The following SLC20A1 variants were observed in gnomAD, a reference collection of about 807,000 sequenced individuals.
SLC20A1 encodes the protein solute carrier family 20 member 1, also known as sodium-dependent phosphate transporter 1.
In SLC20A1, 28 loss-of-function variants were observed where a neutral mutation model predicts 62.7. That is an observed-to-expected ratio of 0.45 (90% CI 0.33 to 0.61). SLC20A1 has a LOEUF of 0.61. Among genes scored for constraint, SLC20A1 ranks in the 20% least tolerant of loss-of-function variants. The pLI, the probability that SLC20A1 is intolerant of heterozygous loss-of-function variation, is 0.02. For synonymous variants in SLC20A1, 305 were observed against 302.9 expected (o/e 1.01, Z -0.07); for missense variants, 673 against 838.6 (o/e 0.80, Z 2.44).
At chr2:112,647,277 A>C (rs115019493) in intron 2 of SLC20A1, 47 bp from the exon 3 acceptor site, 3 of 1,600,958 alleles carry the variant, frequency 1.9e-6, no homozygotes, top group Non-Finnish European at 2.6e-6. Flanking sequence ...TGCCACTTAC[A>C]TAATGGAATT....
chr2:112,646,261 G>T (rs978749057), intron 1 of SLC20A1, 132 bp downstream of exon 1: 2 of 152,018 alleles, frequency 1.3e-5, no homozygotes, highest in South Asian at 2.1e-4. Flanking sequence ...CCTCCACTCC[G>T]CCCGTCTGCC....
intron 4 of SLC20A1, chr2:112,652,374 A>C (rs1686466565): frequency 2.9e-6 from 1 of 345,618 alleles, no homozygotes; most frequent in Non-Finnish European, 5.3e-6. Context: ...AGTATAGCCT[A>C]TCCTCAGGTG....
At chr2:112,653,845 T>C (rs752831798) in intron 5 of SLC20A1, among the ~76,000 whole-genome samples, 1 of 152,150 alleles carries the variant, frequency 6.6e-6, no homozygotes, top group Non-Finnish European at 1.5e-5. Flanking sequence ...CAGGCTGGAG[T>C]GCAATGGCAT....
At position 112,657,216 on chromosome 2, in the gene SLC20A1, T is replaced by G; in HGVS notation, c.753T>G (p.Cys251Trp). Residue 251 changes from cysteine (C) to tryptophan (W), a missense_variant, in exon 6 of 11, where the codon TGT becomes TGG. Physicochemically the swap from Cys to Trp is radical, Grantham distance 215. Coordinates refer to ENST00000272542, the MANE Select transcript of SLC20A1 (RefSeq NM_005415.5). ...CCCTTATCGTCTGGTTCTTTGTATG[T>G]CCCAGGATGAAGAGAAAAATTGAAC... is the stretch of plus-strand genomic sequence containing the variant. ...FCALIVWFFV[C>W]PRMKRKIERE... 1 of 1,613,808 alleles carries G rather than the reference T, an allele frequency of 6.2e-7. No individual in the cohort carries two copies. Among genetic ancestry groups the G allele is most frequent in the Non-Finnish European group, 8.5e-7 (1 of 1,179,882 alleles).
intron 5 of SLC20A1, 195 bp downstream of exon 5, chr2:112,652,993 T>C: frequency 7.1e-7 from 1 of 1,407,904 alleles, no homozygotes; most frequent in Admixed American, 2.0e-5. Context: ...AGAGACCTGC[T>C]CAGATTCTAA....
intron 4 of SLC20A1, among the ~76,000 whole-genome samples, chr2:112,650,981 A>C (rs1686418622): frequency 6.6e-6 from 1 of 152,186 alleles, no homozygotes; most frequent in South Asian, 2.1e-4. Flanking sequence ...TTAGTTTCCT[A>C]ATCTTGTTGA....
chr2:112,652,729 G>A lies in SLC20A1; in HGVS notation c.589G>A (p.Ala197Thr). Residue 197 changes from alanine (A) to threonine (T), a missense_variant, in exon 5 of 11, where the codon GCT (alanine) becomes ACT (threonine). Physicochemically the swap from Ala to Thr is moderately conservative, Grantham distance 58. Coordinates refer to ENST00000272542, the MANE Select transcript of SLC20A1 (RefSeq NM_005415.5). ...KADPVPNGLR[A>T]LPVFYACTVG... ...AGATCCAGTTCCTAATGGTTTGCGA[G>A]CTTTGCCAGTTTTCTATGCCTGCAC... 6.2e-7 allele frequency: 1 copy of A among 1,614,126 alleles called. No individual in the cohort carries two copies. The highest frequency in any genetic ancestry group is 8.5e-7 in the Non-Finnish European group (1 of 1,179,994).
intron 6 of SLC20A1, 94 bp from the exon 7 acceptor site, chr2:112,658,731 T>G: frequency 3.0e-6 from 4 of 1,350,262 alleles, no homozygotes; most frequent in Non-Finnish European, 4.0e-6. Flanking sequence ...ATTCTTGTTT[T>G]GAGATGAGTT....
chr2:112,659,421 C>A lies in SLC20A1; in HGVS notation c.1266C>A (p.Thr422=). The A allele has an allele frequency of 6.2e-7, 1 of 1,614,186 alleles. No individual in the cohort carries two copies. The highest frequency in any genetic ancestry group is 1.1e-5 in the South Asian group (1 of 91,080). The change falls in exon 8 of 11, where the codon ACC becomes ACA. Residue 422 remains threonine (T), a synonymous_variant. Coordinates refer to ENST00000272542, the MANE Select transcript of SLC20A1 (RefSeq NM_005415.5). ...GCAATAATAGCTATACTTCCTATAC[C>A]ATGGCAATATGTGGCATGCCTCTGG... The part of the protein sequence containing the change: ...LRRNNSYTSY[T]MAICGMPLDS...
chr2:112,650,431 C>T (rs978558088), intron 4 of SLC20A1, among the ~76,000 whole-genome samples: 1 of 151,566 alleles, frequency 6.6e-6, no homozygotes, highest in Admixed American at 6.6e-5. Flanking sequence ...CTCTCGGGCT[C>T]AAGCAATTCT....
In SLC20A1 at chr2:112,661,208, C is replaced by T; in HGVS notation, c.1860C>T (p.Ile620=). The T allele has an allele frequency of 6.2e-7, 1 of 1,613,028 alleles. No homozygotes were observed. Among genetic ancestry groups the T allele is most frequent in the Non-Finnish European group, 8.5e-7 (1 of 1,178,998 alleles). The change falls in exon 10 of 11, where the codon ATC becomes ATT. Residue 620 remains isoleucine (I), a synonymous_variant. Coordinates refer to ENST00000272542, the MANE Select transcript of SLC20A1 (RefSeq NM_005415.5). ...VVIASNIGLP[I]STTHCKVGSV... ...TTGCATCAAATATTGGCCTTCCCAT[C>T]AGTACAACACATTGTAAAGTAAGTG...
chr2:112,646,820 C>T lies in SLC20A1; in HGVS notation c.-9C>T, dbSNP rs2104639426. On this transcript the variant is annotated 5_prime_UTR_variant, in exon 2 of 11. Transcript: ENST00000272542. ...TAGTTCTCTTACTAAACAACCACTA[C>T]TCCAGAGAATGGCAACGCTGATTAC... 1.9e-6 allele frequency: 3 copies of T among 1,599,698 alleles called. No individual in the cohort carries two copies. Among genetic ancestry groups the T allele is most frequent in the Admixed American group, 3.4e-5 (2 of 58,744 alleles).
rs1053092484 is a variant in SLC20A1 at position 112,646,855 on chromosome 2, A to G, written c.27A>G (p.Thr9=). ...TGGCAACGCTGATTACCAGTACTACAGCTGCTACCGCCGCTTCTGGTCCTT... is the reference window on the plus strand; with the variant it reads ...TGGCAACGCTGATTACCAGTACTACGGCTGCTACCGCCGCTTCTGGTCCTT... MATLITST[T]AATAASGPLV... is the part of the protein sequence containing the mutation. The change falls in exon 2 of 11, where the codon ACA becomes ACG. Residue 9 remains threonine, a synonymous_variant. Transcript: ENST00000272542. 12 of 1,613,050 alleles carry G rather than the reference A, an allele frequency of 7.4e-6. No individual in the cohort carries two copies. Among genetic ancestry groups the G allele is most frequent in the African/African-American group, 2.7e-5 (2 of 74,858 alleles).
chr2:112,648,086 T>C (rs903513044), intron 4 of SLC20A1, among the ~76,000 whole-genome samples: 7 of 152,192 alleles, frequency 4.6e-5, no homozygotes, highest in African/African-American at 7.2e-5. Flanking sequence ...ATACGTAAAC[T>C]TGGAGTTCAA....
rs957704858 is a variant in SLC20A1, at chr2:112,660,370, C to T, written c.1608-17C>T. 11 of 1,611,286 alleles carry T rather than the reference C, an allele frequency of 6.8e-6. No individual in the cohort carries two copies. Among genetic ancestry groups the T allele is most frequent in the Non-Finnish European group, 7.6e-6 (9 of 1,178,436 alleles). On this transcript the variant is annotated splice_polypyrimidine_tract_variant and intron_variant, in intron 8 of 10. Transcript: ENST00000272542. ...TTCTGCCTGAAAAGTCACTTCTGCC[C>T]TCTTTGTTTCTTCCAGCAATGCCAT... is the stretch of plus-strand genomic sequence containing the variant.
At position 112,662,918 on chromosome 2, in the gene SLC20A1, C is replaced by T. The variant is rs752292041; in HGVS notation, c.1933C>T (p.Arg645Cys). Residue 645 changes from arginine to cysteine, a missense_variant, in exon 11 of 11, where the codon CGT becomes TGT. Coordinates refer to ENST00000272542, the MANE Select transcript of SLC20A1 (RefSeq NM_005415.5). Reference sequence around the variant, plus strand: ...CCGGTCCAAGAAGGCTGTTGACTGGCGTCTCTTTCGTAACATTTTTATGGC... The same window carrying T: ...CCGGTCCAAGAAGGCTGTTGACTGGTGTCTCTTTCGTAACATTTTTATGGC... ...WLRSKKAVDW[R>C]LFRNIFMAWF... is the part of the protein sequence containing the mutation. 3.3e-5 allele frequency: 53 copies of T among 1,614,022 alleles called. No individual in the cohort carries two copies. Among genetic ancestry groups the T allele is most frequent in the Non-Finnish European group, 4.0e-5 (47 of 1,180,018 alleles).
chr2:112,661,081 A>T, intron 9 of SLC20A1, 61 bp from the exon 10 acceptor site: 1 of 1,175,612 alleles, frequency 8.5e-7, no homozygotes, highest in Non-Finnish European at 1.3e-6. Flanking sequence ...CTTGAGGTGT[A>T]GTGTTAGCTT....
At chr2:112,662,090 G>A (rs1686764176) in intron 10 of SLC20A1, among the ~76,000 whole-genome samples, 1 of 152,186 alleles carries the variant, frequency 6.6e-6, no homozygotes, top group Admixed American at 6.5e-5. Flanking sequence ...AAATCTTAAG[G>A]TTGTTTGATG....
rs1429311044 is a variant in SLC20A1 at position 112,647,108 on chromosome 2, A to T, written c.280A>T (p.Met94Leu). 6 of 1,613,960 alleles carry T rather than the reference A, an allele frequency of 3.7e-6. No homozygotes were observed. Among genetic ancestry groups the T allele is most frequent in the Non-Finnish European group, 5.1e-6 (6 of 1,180,024 alleles). Residue 94 changes from methionine to leucine, a missense_variant, in exon 2 of 11, where the codon ATG (methionine) becomes TTG (leucine). Coordinates refer to ENST00000272542, the MANE Select transcript of SLC20A1 (RefSeq NM_005415.5). ...TIRKGLIDVE[M>L]YNSTQGLLMA... ...CCGGAAGGGCTTGATTGACGTGGAG[A>T]TGTACAACTCGACTCAAGGGCTGCT...
Sources: gnomAD v4.1 joint callset for allele counts (sites outside exome capture counted in the v4.1 genomes callset) on GRCh38, gnomAD v4.1.1 for gene constraint, MANE v1.5 for transcripts, NCBI Gene and HGNC (gene_info 2026-07-23, HGNC 2026-07-21) for gene names.